HAS3: variants seen among roughly 807,000 people sequenced by gnomAD.
HAS3 encodes the protein HA synthase 3.
A neutral mutation model predicts 50.3 loss-of-function variants in HAS3; 27 were observed. That is an observed-to-expected ratio of 0.54 (90% CI 0.40 to 0.74). The LOEUF (loss-of-function observed/expected upper bound fraction) is 0.74, where lower values mean the gene tolerates loss of function less well. Ranked by LOEUF, HAS3 falls within the 30% of genes least tolerant of loss-of-function variation. The pLI, the probability that HAS3 is intolerant of heterozygous loss-of-function variation, is 0.00. For synonymous variants in HAS3, 339 were observed against 310.9 expected (o/e 1.09, Z -0.95); for missense variants, 517 against 742.8 (o/e 0.70, Z 3.53).
At chr16:69,113,150 A>G (rs937459938) in intron 2 of HAS3, among the ~76,000 whole-genome samples, 2 of 152,004 alleles carry the variant, frequency 1.3e-5, no homozygotes, top group Non-Finnish European at 2.9e-5. Context: ...CCCCAGAGCA[A>G]TTTTTTGCGT....
At chr16:69,111,236 A>G (rs1329439622) in intron 2 of HAS3, among the ~76,000 whole-genome samples, 1 of 125,640 alleles carries the variant, frequency 8.0e-6, no homozygotes, top group Admixed American at 1.1e-4. Flanking sequence ...ACACCCAGCT[A>G]CTTTTTGTAG....
the HAS3 span, among the ~76,000 whole-genome samples, chr16:69,097,597 G>C: frequency 2.0e-5 from 3 of 152,210 alleles, no homozygotes; most frequent in Non-Finnish European, 2.9e-5. Context: ...ACTTGCGTGG[G>C]AGTAGGCTTA....
chr16:69,105,004 T>TTG (rs1408986545), upstream of HAS3, among the ~76,000 whole-genome samples: 30 of 74,974 alleles, frequency 4.0e-4, no homozygotes, highest in Non-Finnish European at 7.2e-4. Flanking sequence ...TTTTTTTTTT[T>TTG]TTTTTTTTTT....
At chr16:69,088,098 G>A in the HAS3 span, among the ~76,000 whole-genome samples, 1 of 152,070 alleles carries the variant, frequency 6.6e-6, no homozygotes, top group African/African-American at 2.4e-5. Flanking sequence ...CCAGGGACTG[G>A]GGTGTAGGAA....
rs1961199892 is a variant in HAS3, at chr16:69,116,740, G to T, written c.*1474G>T. 5 of 985,248 alleles carry T rather than the reference G, an allele frequency of 5.1e-6. No homozygotes were observed. The highest frequency in any genetic ancestry group is 6.0e-6 in the Non-Finnish European group (5 of 829,926). The allele number at this position is 985,248 out of a possible 1,614,324, so 61.0% of individuals were successfully genotyped here. A position where few individuals can be genotyped will look rare whatever the true frequency, so the allele number is the denominator to read the frequency against. On this transcript the variant is annotated 3_prime_UTR_variant, in exon 4 of 4. Coordinates refer to ENST00000569188, the MANE Select transcript of HAS3 (RefSeq NM_001199280.2). ...GAATGAGGGGAAGCCATTTTCCAGT[G>T]ACTTGCAATCCAGGCTGTTCTCAGC...
At position 69,114,786 on chromosome 16, in the gene HAS3, T is replaced by G; in HGVS notation, c.1182T>G (p.Ile394Met). Residue 394 changes from isoleucine to methionine, a missense_variant, in exon 4 of 4, where the codon ATT becomes ATG. Ile to Met is a conservative substitution (Grantham distance 10). Coordinates refer to ENST00000569188, the MANE Select transcript of HAS3 (RefSeq NM_001199280.2). This position sits in a 1 kb window ranked among gnomAD's most constrained non-coding sequence, Gnocchi z 6.4. ...CGGGTTTCTTCCCCTTCTTCCTCAT[T>G]GCCACGGTTATACAGCTTTTCTACC... ...VVTGFFPFFLIATVIQLFYRG... is the reference protein window; with the variant it reads ...VVTGFFPFFLMATVIQLFYRG... The G allele has an allele frequency of 6.2e-7, 1 of 1,614,096 alleles. No individual in the cohort carries two copies. The highest frequency in any genetic ancestry group is 8.5e-7 in the Non-Finnish European group (1 of 1,180,008).
chr16:69,103,901 G>A (rs1449570991), upstream of HAS3, among the ~76,000 whole-genome samples: 1 of 152,132 alleles, frequency 6.6e-6, no homozygotes, highest in Non-Finnish European at 1.5e-5. Context: ...GAAGACACTG[G>A]GGCTTACTGG....
rs1223611673 is a variant in HAS3 at position 69,106,347 on chromosome 16, G to A, written c.-1+560G>A. ...CGCGGGCCGGCCGGCACCCAGGAGGGGAGGGCCGCGCGGGGCTGCGCCGAG... is the reference window on the plus strand; with the variant it reads ...CGCGGGCCGGCCGGCACCCAGGAGGAGAGGGCCGCGCGGGGCTGCGCCGAG... On this transcript the variant is annotated intron_variant, in intron 1 of 3. Transcript: ENST00000569188. This position sits in a 1 kb window ranked among gnomAD's most constrained non-coding sequence, Gnocchi z 5.5. 6.8e-6 allele frequency: 1 copy of A among 147,186 alleles called. No homozygotes were observed. The highest frequency in any genetic ancestry group is 1.5e-5 in the Non-Finnish European group (1 of 66,100). The allele number at this position is 147,186 out of a possible 1,614,324, so 9.1% of individuals were successfully genotyped here. A position where few individuals can be genotyped will look rare whatever the true frequency, so the allele number is the denominator to read the frequency against.
At chr16:69,110,222 C>T (rs918138196) in intron 2 of HAS3, among the ~76,000 whole-genome samples, 191 bp downstream of exon 2, 2 of 152,108 alleles carry the variant, frequency 1.3e-5, no homozygotes, top group Non-Finnish European at 1.5e-5. Context: ...GGGGCCGAGG[C>T]GGGTGGATCA....
rs934682922 is a variant in HAS3, at chr16:69,106,242, C to G, written c.-1+455C>G. On this transcript the variant is annotated intron_variant, in intron 1 of 3. Coordinates refer to ENST00000569188, the MANE Select transcript of HAS3 (RefSeq NM_001199280.2). This position sits in a 1 kb window ranked among gnomAD's most constrained non-coding sequence, Gnocchi z 5.5. ...GCGGCAGTCGGAGCGCGCGGCGGCG[C>G]GGAGCGGAGCGGGAGGAGGGGCATG... 6.6e-6 allele frequency: 1 copy of G among 151,732 alleles called. No individual in the cohort carries two copies. Among genetic ancestry groups the G allele is most frequent in the African/African-American group, 2.4e-5 (1 of 41,290 alleles). The allele number at this position is 151,732 out of a possible 1,614,324, so 9.4% of individuals were successfully genotyped here. A position where few individuals can be genotyped will look rare whatever the true frequency, so the allele number is the denominator to read the frequency against.
Position 69,114,913 on chromosome 16 carries a change from A to G in HAS3, c.1309A>G (p.Ile437Val), listed in dbSNP as rs370800702. ...CTTCCTTCGGGGCAATGCAGAGATG[A>G]TCTTCATGTCCCTCTACTCCCTCCT... ...ACFLRGNAEMIFMSLYSLLYM... is the reference protein window; with the variant it reads ...ACFLRGNAEMVFMSLYSLLYM... Residue 437 changes from isoleucine to valine, a missense_variant, in exon 4 of 4, where the codon ATC becomes GTC. Ile to Val is a conservative substitution (Grantham distance 29). Coordinates refer to ENST00000569188, the MANE Select transcript of HAS3 (RefSeq NM_001199280.2). This position sits in a 1 kb window ranked among gnomAD's most constrained non-coding sequence, Gnocchi z 6.4. The G allele has an allele frequency of 3.8e-5, 62 of 1,613,948 alleles. No homozygotes were observed. Among genetic ancestry groups the G allele is most frequent in the Non-Finnish European group, 4.7e-5 (55 of 1,180,044 alleles).
At chr16:69,084,019 C>T in the HAS3 span, 4 of 169,098 alleles carry the variant, frequency 2.4e-5, no homozygotes, top group Admixed American at 6.2e-5. Flanking sequence ...TGAGGAGAAG[C>T]GGTTGGCCAC....
chr16:69,117,606 A>G lies in HAS3; in HGVS notation c.*2340A>G. The G allele has an allele frequency of 1.2e-6, 1 of 843,298 alleles. No homozygotes were observed. The highest frequency in any genetic ancestry group is 1.4e-6 in the Non-Finnish European group (1 of 702,886). 52.2% of individuals were successfully genotyped at this position (843,298 alleles called of 1,614,324 possible). On this transcript the variant is annotated 3_prime_UTR_variant, in exon 4 of 4. Transcript: ENST00000569188. ...TTTTTTTTTTTTAATTTTCAGGTCA[A>G]GTTTTTTATACTGCACTTATTTGTC...
At chr16:69,110,403 CTTATTA>C (rs1208795646) in intron 2 of HAS3, among the ~76,000 whole-genome samples, 4 of 152,066 alleles carry the variant, frequency 2.6e-5, no homozygotes, top group African/African-American at 9.7e-5. Flanking sequence ...CACACCCGGC[CTTATTA>C]TTATTATTTT....
the HAS3 span, among the ~76,000 whole-genome samples, chr16:69,086,866 T>C: frequency 6.6e-6 from 1 of 152,240 alleles, no homozygotes; most frequent in Middle Eastern, 3.4e-3. Flanking sequence ...ATTGCGCCAT[T>C]GCACTCCAGC....
chr16:69,111,097 T>TA (rs1181712644), intron 2 of HAS3, among the ~76,000 whole-genome samples: 2 of 145,162 alleles, frequency 1.4e-5, no homozygotes, highest in Non-Finnish European at 3.0e-5. Context: ...TTGAAAAGAT[T>TA]AAAGACCACA....
chr16:69,114,286 A>C lies in HAS3; in HGVS notation c.739-57A>C, dbSNP rs1230661381. 1.3e-6 allele frequency: 2 copies of C among 1,524,688 alleles called. No homozygotes were observed. The highest frequency in any genetic ancestry group is 4.5e-5 in the East Asian group (2 of 44,188). The allele number at this position is 1,524,688 out of a possible 1,614,324, so 94.4% of individuals were successfully genotyped here. The stretch of plus-strand genomic sequence containing the variant: ...TGGTAAGGAGGCCTCGTGGTCTCTG[A>C]TGTCTGTCCTCCGGACGTGCAACCT... On this transcript the variant is annotated intron_variant, in intron 3 of 3. Transcript: ENST00000569188. This position sits in a 1 kb window ranked among gnomAD's most constrained non-coding sequence, Gnocchi z 6.4.
chr16:69,116,203 A>G lies in HAS3; in HGVS notation c.*937A>G, dbSNP rs1246086280. Reference sequence around the variant, plus strand: ...ACACACTCCCCACTTCACTTTCTTCAAAGCCACATTTTTTGAGGTATCACT... The same window carrying G: ...ACACACTCCCCACTTCACTTTCTTCGAAGCCACATTTTTTGAGGTATCACT... On this transcript the variant is annotated 3_prime_UTR_variant, in exon 4 of 4. Transcript: ENST00000569188. 1.0e-6 allele frequency: 1 copy of G among 985,444 alleles called. No homozygotes were observed. Among genetic ancestry groups the G allele is most frequent in the Non-Finnish European group, 1.2e-6 (1 of 829,970 alleles). 61.0% of individuals were successfully genotyped at this position (985,444 alleles called of 1,614,324 possible).
intron 2 of HAS3, 34 bp from the exon 3 acceptor site, chr16:69,113,407 G>A: frequency 6.9e-7 from 1 of 1,446,530 alleles, no homozygotes; most frequent in Non-Finnish European, 9.7e-7. Flanking sequence ...CAGGTCTGAG[G>A]TCAGAATGGG....
Sources: allele counts gnomAD v4.1 joint callset (sites outside exome capture counted in the v4.1 genomes callset), GRCh38; gene constraint gnomAD v4.1.1; non-coding constraint Gnocchi (gnomAD v3.1); transcripts MANE v1.5; gene names NCBI Gene and HGNC (gene_info 2026-07-23, HGNC 2026-07-21).